SLC39A11: variants seen among roughly 807,000 people sequenced by gnomAD.
The protein encoded by SLC39A11 is zinc transporter ZIP11.
SLC39A11 carries 33 observed loss-of-function variants against 36.1 expected under a neutral mutation model. The ratio of observed to expected loss-of-function variants is 0.91; its 90% CI spans 0.69 to 1.22. SLC39A11 has a LOEUF of 1.22. Among genes scored for constraint, SLC39A11 ranks in the 50% most tolerant of loss-of-function variants. The probability of loss-of-function intolerance (pLI) is 0.00; values close to 1 mark genes in which losing one functional copy is unlikely to be tolerated. For missense variants in SLC39A11, 432 were observed against 430.3 expected (o/e 1.00, Z -0.03); for synonymous variants, 166 against 170.3 (o/e 0.97, Z 0.20).
rs191856837 is a variant in SLC39A11 at position 72,751,266 on chromosome 17, T to C, written c.602-14547A>G. Among the ~76,000 whole-genome samples the C allele has an allele frequency of 2.0e-3, 308 of 152,168 alleles. 3 individuals carry two copies. Among genetic ancestry groups the C allele is most frequent in the Admixed American group, 0.019 (285 of 15,272 alleles). On this transcript the variant is annotated intron_variant, in intron 6 of 9. Transcript: ENST00000255559. ...CCATCTCAAAACAAAAAAGTGAGCG[T>C]ACAATATTGGTGTGCTAACATATGA...
At chr17:73,014,960 G>A (rs1018415020) in intron 4 of SLC39A11, among the ~76,000 whole-genome samples, 1 of 152,162 alleles carries the variant, frequency 6.6e-6, no homozygotes, top group African/African-American at 2.4e-5. Flanking sequence ...ACTTCCTAGA[G>A]CCATCTCAAC....
chr17:72,814,621 G>A (rs1011410108), intron 6 of SLC39A11, among the ~76,000 whole-genome samples: 2 of 152,220 alleles, frequency 1.3e-5, no homozygotes, highest in Non-Finnish European at 2.9e-5. Context: ...GAGGCAAAGG[G>A]CCAAGGTGAC....
intron 5 of SLC39A11, among the ~76,000 whole-genome samples, chr17:72,917,038 A>T (rs1176469432): frequency 6.6e-6 from 1 of 152,236 alleles, no homozygotes; most frequent in Non-Finnish European, 1.5e-5. Context: ...CTGGGGGATG[A>T]CCACTCTATC....
chr17:72,834,937 C>T (rs1301447330), intron 6 of SLC39A11, among the ~76,000 whole-genome samples: 2 of 152,220 alleles, frequency 1.3e-5, no homozygotes. Context: ...CAGGCATCTG[C>T]GCGTCTGTCG....
At chr17:73,062,356 G>C (rs1487662049) in intron 3 of SLC39A11, among the ~76,000 whole-genome samples, 1 of 150,920 alleles carries the variant, frequency 6.6e-6, no homozygotes, top group Non-Finnish European at 1.5e-5. Flanking sequence ...CTACTTGGGA[G>C]GCAGAGGTAG....
intron 6 of SLC39A11, among the ~76,000 whole-genome samples, chr17:72,772,274 T>G (rs1250429779): frequency 6.6e-6 from 1 of 152,222 alleles, no homozygotes; most frequent in East Asian, 1.9e-4. Flanking sequence ...TCTGTGCCAC[T>G]GCTGGCACGT....
At chr17:72,739,836 G>T (rs1363482991) in intron 6 of SLC39A11, among the ~76,000 whole-genome samples, 1 of 152,038 alleles carries the variant, frequency 6.6e-6, no homozygotes, top group Admixed American at 6.5e-5. Context: ...GGGATTAGGG[G>T]CGCCAATCCC....
intron 3 of SLC39A11, among the ~76,000 whole-genome samples, chr17:73,069,445 C>A (rs956187770): frequency 4.6e-5 from 7 of 152,196 alleles, no homozygotes; most frequent in Non-Finnish European, 8.8e-5. Context: ...GAAGACAATT[C>A]TCTCCCTGCT....
chr17:72,709,611 G>T (rs2073034479), intron 7 of SLC39A11, among the ~76,000 whole-genome samples: 2 of 152,236 alleles, frequency 1.3e-5, no homozygotes, highest in Non-Finnish European at 2.9e-5. Context: ...AAGAAATGAT[G>T]AAGGAAGTTT....
intron 3 of SLC39A11, among the ~76,000 whole-genome samples, chr17:73,048,593 G>C (rs2059396386): frequency 6.6e-6 from 1 of 152,190 alleles, no homozygotes; most frequent in Non-Finnish European, 1.5e-5. Context: ...TCTGTTTTAA[G>C]CTCTTTGAGA....
At chr17:72,954,211 AAT>A (rs1235065010) in intron 4 of SLC39A11, among the ~76,000 whole-genome samples, 1 of 152,006 alleles carries the variant, frequency 6.6e-6, no homozygotes, top group Non-Finnish European at 1.5e-5. Context: ...ATGCCCGGCT[AAT>A]ATTTGTATTT....
At chr17:72,783,546 T>C (rs2076396295) in intron 6 of SLC39A11, among the ~76,000 whole-genome samples, 1 of 152,244 alleles carries the variant, frequency 6.6e-6, no homozygotes, top group African/African-American at 2.4e-5. Flanking sequence ...CTCAGCCAGA[T>C]GGCTGGAGGG....
intron 3 of SLC39A11, among the ~76,000 whole-genome samples, chr17:73,064,817 A>G (rs1253342649): frequency 6.6e-6 from 1 of 152,146 alleles, no homozygotes; most frequent in African/African-American, 2.4e-5. Context: ...GCAGAGAGCA[A>G]GGATTCTCAG....
At chr17:72,682,100 C>T (rs1349031605) in intron 7 of SLC39A11, among the ~76,000 whole-genome samples, 1 of 152,222 alleles carries the variant, frequency 6.6e-6, no homozygotes, top group African/African-American at 2.4e-5. Flanking sequence ...GTGAACCGCA[C>T]ATGCAAGGGA....
At chr17:72,718,312 G>C (rs540140149) in intron 7 of SLC39A11, among the ~76,000 whole-genome samples, 1 of 152,102 alleles carries the variant, frequency 6.6e-6, no homozygotes, top group Non-Finnish European at 1.5e-5. Context: ...AGTGGCAGGC[G>C]CCTGTAATCC....
At chr17:72,857,313 C>G (rs1260537006) in intron 5 of SLC39A11, among the ~76,000 whole-genome samples, 1 of 152,132 alleles carries the variant, frequency 6.6e-6, no homozygotes, top group Non-Finnish European at 1.5e-5. Flanking sequence ...AAGACATGAT[C>G]TCATTTTTTT....
At chr17:72,769,874 G>A (rs1175004713) in intron 6 of SLC39A11, among the ~76,000 whole-genome samples, 1 of 152,168 alleles carries the variant, frequency 6.6e-6, no homozygotes, top group East Asian at 1.9e-4. Flanking sequence ...AGGCCAATCA[G>A]AAACTCAGAA....
intron 5 of SLC39A11, among the ~76,000 whole-genome samples, chr17:72,870,914 T>C (rs2080579258): frequency 6.6e-6 from 1 of 152,374 alleles, no homozygotes; most frequent in Admixed American, 6.5e-5. Context: ...GGTCTTCATC[T>C]TGATTCCTGA....
chr17:72,849,641 G>A lies in SLC39A11; in HGVS notation c.594C>T (p.Asn198=), dbSNP rs771897276. The change falls in exon 6 of 10, where the codon AAC becomes AAT. Residue 198 remains asparagine, a synonymous_variant. Transcript: ENST00000255559. Reference sequence around the variant, plus strand: ...TCACGGGCAAGACCTCACCTGGAACGTTGTGTATAGTGATGGCCAAGATGA... The same window carrying A: ...TCACGGGCAAGACCTCACCTGGAACATTGTGTATAGTGATGGCCAAGATGA... ...ALLILAITIH[N]VPEGLAVGVG... 17 of 1,544,602 alleles carry A rather than the reference G, an allele frequency of 1.1e-5. No homozygotes were observed. Among genetic ancestry groups the A allele is most frequent in the African/African-American group, 5.5e-5 (4 of 72,140 alleles).
Sources: allele counts gnomAD v4.1 joint callset (sites outside exome capture counted in the v4.1 genomes callset), GRCh38; gene constraint gnomAD v4.1.1; transcripts MANE v1.5; gene names NCBI Gene and HGNC (gene_info 2026-07-23, HGNC 2026-07-21).